The following SPEF2 variants were observed in gnomAD, a reference collection of about 807,000 sequenced individuals.
SPEF2 encodes sperm flagella and cilia-associated protein 2.
In SPEF2, 187 loss-of-function variants were observed where a neutral mutation model predicts 224.6. The ratio of observed to expected loss-of-function variants is 0.83; its 90% CI spans 0.74 to 0.94. SPEF2 has a LOEUF of 0.94. Ranked by LOEUF, SPEF2 falls within the 40% of genes least tolerant of loss-of-function variation. SPEF2 has a pLI of 0.00. For synonymous variants in SPEF2, 715 were observed against 707.3 expected (o/e 1.01, Z -0.17); for missense variants, 2,170 against 2,135.6 (o/e 1.02, Z -0.32).
At chr5:35,751,954 T>A (rs1195947390) in intron 23 of SPEF2, among the ~76,000 whole-genome samples, 1 of 152,102 alleles carries the variant, frequency 6.6e-6, no homozygotes, top group Non-Finnish European at 1.5e-5. Context: ...TGGAAGACAA[T>A]TTTTCCACAG....
rs149668092 is a variant in SPEF2, at chr5:35,742,259, A to G, written c.3330+1992A>G. Among the ~76,000 whole-genome samples the G allele has an allele frequency of 4.9e-3, 739 of 152,262 alleles. 11 individuals carry two copies. Among genetic ancestry groups the G allele is most frequent in the Non-Finnish European group, 6.2e-3 (422 of 67,984 alleles). ...ACAGTTTCTTGAGCACCAACATTTTATTACAGAGAATTTTACAGTAAAATT... is the reference window on the plus strand; with the variant it reads ...ACAGTTTCTTGAGCACCAACATTTTGTTACAGAGAATTTTACAGTAAAATT... On this transcript the variant is annotated intron_variant, in intron 23 of 36. Coordinates refer to ENST00000356031, the MANE Select transcript of SPEF2 (RefSeq NM_024867.4).
At chr5:35,681,230 A>T (rs1752757533) in intron 10 of SPEF2, among the ~76,000 whole-genome samples, 1 of 152,232 alleles carries the variant, frequency 6.6e-6, no homozygotes, top group Non-Finnish European at 1.5e-5. Context: ...CAGCAATTGT[A>T]CAAAATACAG....
chr5:35,702,350 A>T, intron 16 of SPEF2: 1 of 455,964 alleles, frequency 2.2e-6, no homozygotes, highest in South Asian at 1.5e-5. Flanking sequence ...GCCAATGGGC[A>T]GGAGACTGGG....
intron 10 of SPEF2, among the ~76,000 whole-genome samples, chr5:35,677,790 CTATT>C (rs1752228134): frequency 6.6e-6 from 1 of 152,210 alleles, no homozygotes. Flanking sequence ...TGAAATGTAA[CTATT>C]TAAGGGAGAG....
chr5:35,654,129 A>G (rs2149436366), intron 6 of SPEF2, among the ~76,000 whole-genome samples: 1 of 148,066 alleles, frequency 6.8e-6, no homozygotes, highest in South Asian at 2.2e-4. Flanking sequence ...GCGTGGTGGC[A>G]CATGCCTGTA....
intron 1 of SPEF2, among the ~76,000 whole-genome samples, chr5:35,624,361 T>G (rs1161037975): frequency 1.3e-5 from 2 of 152,148 alleles, no homozygotes; most frequent in Non-Finnish European, 2.9e-5. Context: ...CTCCCATGGT[T>G]TATTTACTTA....
At position 35,725,013 on chromosome 5, in the gene SPEF2, A is replaced by G. The variant is rs144490196; in HGVS notation, c.2915-2662A>G. 9.6e-4 allele frequency among the ~76,000 whole-genome samples: 146 copies of G among 152,338 alleles called. 1 individual carries two copies. Among genetic ancestry groups the G allele is most frequent in the Non-Finnish European group, 1.9e-3 (130 of 68,032 alleles). On this transcript the variant is annotated intron_variant, in intron 20 of 36. Transcript: ENST00000356031. ...CCAGCTCTACGCAGAGTAACAGCAT[A>G]AATTTTAGGACAGTAAGCAGAGAAA...
intron 6 of SPEF2, among the ~76,000 whole-genome samples, chr5:35,650,054 CTA>C (rs1317280298): frequency 6.6e-6 from 1 of 152,110 alleles, no homozygotes; most frequent in Admixed American, 6.5e-5. Context: ...GATCCAAACT[CTA>C]TGCATTTACA....
At chr5:35,729,402 T>G (rs567127952) in intron 21 of SPEF2, among the ~76,000 whole-genome samples, 53 of 152,262 alleles carry the variant, frequency 3.5e-4, no homozygotes, top group African/African-American at 1.2e-3. Flanking sequence ...AGTGCGACCC[T>G]GCAAACAGGA....
chr5:35,773,105 G>A (rs749354277), intron 27 of SPEF2, among the ~76,000 whole-genome samples: 17 of 152,148 alleles, frequency 1.1e-4, no homozygotes, highest in Non-Finnish European at 1.5e-5. Context: ...TTAGCCAGGA[G>A]CAGTGCCTCA....
At chr5:35,687,576 C>T (rs1023559625) in intron 10 of SPEF2, among the ~76,000 whole-genome samples, 23 of 152,040 alleles carry the variant, frequency 1.5e-4, no homozygotes, top group African/African-American at 4.8e-4. Context: ...AGGCTGGTTT[C>T]GAACTCCTGA....
chr5:35,649,886 A>G (rs1262902926), intron 6 of SPEF2, among the ~76,000 whole-genome samples: 2 of 152,348 alleles, frequency 1.3e-5, no homozygotes. Context: ...TGGTGGGTCC[A>G]TTGAACAAAG....
intron 1 of SPEF2, among the ~76,000 whole-genome samples, chr5:35,624,211 T>G (rs1743902157): frequency 6.6e-6 from 1 of 152,118 alleles, no homozygotes. Flanking sequence ...AAAAGGAAAC[T>G]TTAGTGATGG....
At chr5:35,736,418 T>C (rs1026253562) in intron 21 of SPEF2, among the ~76,000 whole-genome samples, 3 of 152,096 alleles carry the variant, frequency 2.0e-5, no homozygotes, top group Admixed American at 1.3e-4. Flanking sequence ...CTTATAATCA[T>C]GGCAGAGGGG....
intron 10 of SPEF2, among the ~76,000 whole-genome samples, chr5:35,677,926 T>C (rs1209389612): frequency 6.6e-6 from 1 of 152,204 alleles, no homozygotes; most frequent in Non-Finnish European, 1.5e-5. Flanking sequence ...AATAAACCTG[T>C]CACTGCTGAG....
intron 20 of SPEF2, 93 bp from the exon 21 acceptor site, chr5:35,727,582 C>G: frequency 9.1e-7 from 1 of 1,093,920 alleles, no homozygotes; most frequent in Non-Finnish European, 1.3e-6. Context: ...AATGAATCAC[C>G]TGAAGTCCAT....
Position 35,717,523 on chromosome 5 carries a change from G to A in SPEF2, c.2914+4637G>A, listed in dbSNP as rs538928613. ...ACTTTTCCTTAGTTCAGCTAAAGAC[G>A]GGGTTCTTGTCCATCCCATGGCCAT... On this transcript the variant is annotated intron_variant, in intron 20 of 36. Coordinates refer to ENST00000356031, the MANE Select transcript of SPEF2 (RefSeq NM_024867.4). Among the ~76,000 whole-genome samples the A allele has an allele frequency of 3.3e-5, 5 of 152,300 alleles. No individual in the cohort carries two copies. The South Asian group carries it at 8.3e-4, about 25-fold the overall frequency.
chr5:35,805,911 C>T (rs1040186303), intron 34 of SPEF2, among the ~76,000 whole-genome samples: 7 of 152,106 alleles, frequency 4.6e-5, no homozygotes, highest in Admixed American at 3.9e-4. Context: ...TGTAATACTA[C>T]ATTGCAGAAA....
At chr5:35,740,985 A>T (rs1747522213) in intron 23 of SPEF2, among the ~76,000 whole-genome samples, 1 of 152,196 alleles carries the variant, frequency 6.6e-6, no homozygotes. Flanking sequence ...ATATTGATTT[A>T]TGTAATTAAA....
Sources: gnomAD v4.1 joint callset for allele counts (sites outside exome capture counted in the v4.1 genomes callset) on GRCh38, gnomAD v4.1.1 for gene constraint, MANE v1.5 for transcripts, NCBI Gene and HGNC (gene_info 2026-07-23, HGNC 2026-07-21) for gene names.